Variants in LRP1B observed in about 807,000 individuals in gnomAD.
LRP1B encodes the protein LDL receptor related protein 1B, also known as low-density lipoprotein receptor-related protein 1B.
LRP1B carries 217 observed loss-of-function variants against 556.6 expected under a neutral mutation model. The observed-to-expected ratio is 0.39, with a 90% CI of 0.35 to 0.44. The LOEUF (loss-of-function observed/expected upper bound fraction) is 0.44, where lower values mean the gene tolerates loss of function less well. LRP1B is among the 20% of genes least tolerant of loss of function. LRP1B has a pLI of 1.00. For missense variants in LRP1B, 5,053 were observed against 5,620.8 expected, an observed-to-expected ratio of 0.90 and a Z score of 3.23; for synonymous variants, 2,047 against 1,865.8, an observed-to-expected ratio of 1.10 and a Z score of -2.50.
intron 1 of LRP1B, among the ~76,000 whole-genome samples, chr2:141,961,773 A>T (rs1180574855): frequency 6.6e-6 from 1 of 151,698 alleles, no homozygotes; most frequent in East Asian, 1.9e-4. Flanking sequence ...ATTTGCCTTT[A>T]AAAAATTTAG....
chr2:141,849,410 G>A (rs572163589), intron 1 of LRP1B, among the ~76,000 whole-genome samples: 71 of 151,258 alleles, frequency 4.7e-4, no homozygotes, highest in African/African-American at 1.6e-3. Context: ...CGTTGACTTC[G>A]GCTTAATAGA....
chr2:140,885,866 C>CT (rs80114363), intron 24 of LRP1B, among the ~76,000 whole-genome samples: 8,036 of 142,936 alleles, frequency 0.056, 226 homozygotes, highest in East Asian at 0.12. Context: ...AACAACCAGT[C>CT]TTTTTTTTTT....
At chr2:140,636,902 T>A (rs1389902541) in intron 41 of LRP1B, among the ~76,000 whole-genome samples, 1 of 152,150 alleles carries the variant, frequency 6.6e-6, no homozygotes, top group Admixed American at 6.5e-5. Flanking sequence ...TCAGCGTAGC[T>A]GTGATGTTGC....
At chr2:140,708,560 C>T (rs1054692388) in intron 37 of LRP1B, among the ~76,000 whole-genome samples, 2 of 143,014 alleles carry the variant, frequency 1.4e-5, no homozygotes, top group Non-Finnish European at 3.1e-5. Flanking sequence ...AAATATTACA[C>T]CATGTTATAG....
intron 41 of LRP1B, among the ~76,000 whole-genome samples, chr2:140,611,939 G>A (rs1234482273): frequency 6.6e-6 from 1 of 152,038 alleles, no homozygotes; most frequent in African/African-American, 2.4e-5. Flanking sequence ...TTATTGAAAT[G>A]TACTATAAAT....
chr2:141,651,932 T>A (rs1689807949), intron 2 of LRP1B, among the ~76,000 whole-genome samples: 2 of 152,202 alleles, frequency 1.3e-5, no homozygotes, highest in Non-Finnish European at 2.9e-5. Flanking sequence ...TATTTTTACA[T>A]GTTTTAAGAT....
chr2:140,523,678 A>C (rs1266445454), intron 49 of LRP1B, among the ~76,000 whole-genome samples: 1 of 151,962 alleles, frequency 6.6e-6, no homozygotes, highest in African/African-American at 2.4e-5. Flanking sequence ...AGTTTAGTGA[A>C]GATGCAAAAT....
chr2:140,601,110 C>G (rs1251266001), intron 42 of LRP1B, among the ~76,000 whole-genome samples: 3 of 148,590 alleles, frequency 2.0e-5, no homozygotes, highest in Non-Finnish European at 4.5e-5. Flanking sequence ...CACTCTTAGT[C>G]TTCCGTGTAT....
At chr2:141,262,590 A>T (rs1026583561) in intron 3 of LRP1B, among the ~76,000 whole-genome samples, 4 of 152,102 alleles carry the variant, frequency 2.6e-5, no homozygotes, top group Admixed American at 2.6e-4. Flanking sequence ...AATTTCCATA[A>T]ATGGTAAAAT....
At chr2:141,800,873 TTGAA>T (rs1373472485) in intron 2 of LRP1B, among the ~76,000 whole-genome samples, 3 of 152,208 alleles carry the variant, frequency 2.0e-5, no homozygotes, top group Non-Finnish European at 2.9e-5. Flanking sequence ...TGCTGATTGA[TTGAA>T]TGGTTTCTAG....
At chr2:141,234,904 A>G (rs1417961954) in intron 5 of LRP1B, among the ~76,000 whole-genome samples, 1 of 152,178 alleles carries the variant, frequency 6.6e-6, no homozygotes, top group East Asian at 1.9e-4. Flanking sequence ...TTAATATCAT[A>G]TAAGTGAAAA....
chr2:140,651,695 C>T (rs1176599485), intron 41 of LRP1B, among the ~76,000 whole-genome samples: 1 of 152,036 alleles, frequency 6.6e-6, no homozygotes, highest in Admixed American at 6.6e-5. Context: ...GAAAATACCA[C>T]ATGACCTAGA....
chr2:140,903,971 A>G (rs1279495163), intron 22 of LRP1B, among the ~76,000 whole-genome samples: 1 of 152,078 alleles, frequency 6.6e-6, no homozygotes, highest in East Asian at 1.9e-4. Context: ...TTAGCTTGTA[A>G]AAAAGATTAG....
At chr2:141,077,535 G>A (rs1469730828) in intron 7 of LRP1B, among the ~76,000 whole-genome samples, 1 of 152,098 alleles carries the variant, frequency 6.6e-6, no homozygotes, top group Non-Finnish European at 1.5e-5. Flanking sequence ...ACTAATCTAG[G>A]TGCTGTTTTG....
intron 5 of LRP1B, among the ~76,000 whole-genome samples, chr2:141,244,636 A>T (rs1173757869): frequency 6.6e-6 from 1 of 152,166 alleles, no homozygotes; most frequent in Non-Finnish European, 1.5e-5. Flanking sequence ...CACTAACTGG[A>T]ATTACATATA....
chr2:140,839,990 C>A lies in LRP1B; in HGVS notation c.5209+1G>T. ...TGGTGACTATTAAAAAAAATACTTA[C>A]CAACTGGCTCCTTCTGATTCTGAAA... On this transcript the variant is annotated splice_donor_variant, in intron 31 of 90. Transcript: ENST00000389484. LOFTEE classifies it high-confidence loss of function. 1 of 1,600,158 alleles carries A rather than the reference C, an allele frequency of 6.2e-7. No individual in the cohort carries two copies. Among genetic ancestry groups the A allele is most frequent in the Non-Finnish European group, 8.5e-7 (1 of 1,171,736 alleles).
chr2:142,071,117 G>A (rs1198632638), intron 1 of LRP1B, among the ~76,000 whole-genome samples: 1 of 151,742 alleles, frequency 6.6e-6, no homozygotes, highest in Non-Finnish European at 1.5e-5. Context: ...AATAGAGGAT[G>A]GGAAGGGATG....
At chr2:141,262,805 C>G (rs1684747510) in intron 3 of LRP1B, among the ~76,000 whole-genome samples, 2 of 152,000 alleles carry the variant, frequency 1.3e-5, no homozygotes, top group African/African-American at 2.4e-5. Context: ...ATTTTGATGA[C>G]AGCAAATCTT....
rs1238007419 is a variant in LRP1B at position 140,600,771 on chromosome 2, T to TTC, written c.6989+678_6989+679insGA. On this transcript the variant is annotated intron_variant, in intron 42 of 90. Transcript: ENST00000389484. Reference sequence around the variant, plus strand: ...ACCTGTGCTTTGTTCTTCGGGGTTTTTTTTTTTTTTTTTTTTTTTTTTACA... The same window carrying TTC: ...ACCTGTGCTTTGTTCTTCGGGGTTTTTCTTTTTTTTTTTTTTTTTTTTTTACA... Among the ~76,000 whole-genome samples, 118 of 88,732 alleles carry TTC rather than the reference T, an allele frequency of 1.3e-3. 2 individuals are homozygous for TTC. The highest frequency in any genetic ancestry group is 0.01 in the Admixed American group (76 of 7,456). 58.2% of individuals were successfully genotyped at this position (88,732 alleles called of 152,430 possible). A position where few individuals can be genotyped will look rare whatever the true frequency, so the allele number is the denominator to read the frequency against.
Sources: allele counts gnomAD v4.1 joint callset (sites outside exome capture counted in the v4.1 genomes callset), GRCh38; gene constraint gnomAD v4.1.1; transcripts MANE v1.5; gene names NCBI Gene and HGNC (gene_info 2026-07-23, HGNC 2026-07-21).